The following PCED1B variants were observed in gnomAD, a reference collection of about 807,000 sequenced individuals.
PCED1B encodes PC-esterase domain containing 1B.
For missense variants in PCED1B, 573 were observed against 573.9 expected (o/e 1.00, Z 0.02); for synonymous variants, 251 against 246.1 (o/e 1.02, Z -0.19).
intron 2 of PCED1B, among the ~76,000 whole-genome samples, chr12:47,182,446 C>T (rs1942123894): frequency 6.6e-6 from 1 of 151,932 alleles, no homozygotes; most frequent in South Asian, 2.1e-4. Context: ...CAAAAATTAG[C>T]TGGGCGTGGT....
At chr12:47,158,255 A>C (rs1941257894) in intron 2 of PCED1B, among the ~76,000 whole-genome samples, 1 of 152,248 alleles carries the variant, frequency 6.6e-6, no homozygotes, top group Non-Finnish European at 1.5e-5. Flanking sequence ...CATTTCCACC[A>C]ACAATGCACA....
intron 2 of PCED1B, among the ~76,000 whole-genome samples, chr12:47,181,735 T>C (rs1942102213): frequency 6.6e-6 from 1 of 152,008 alleles, no homozygotes; most frequent in Non-Finnish European, 1.5e-5. Flanking sequence ...ATTCAGAACA[T>C]TTTTCTTCTC....
intron 2 of PCED1B, among the ~76,000 whole-genome samples, chr12:47,193,617 C>T (rs1407298244): frequency 6.6e-6 from 1 of 152,170 alleles, no homozygotes; most frequent in African/African-American, 2.4e-5. Flanking sequence ...CCCTCAGAGA[C>T]AAAGATATAC....
rs545432252 is a variant in PCED1B at position 47,236,630 on chromosome 12, A to C, written c.*268A>C. On this transcript the variant is annotated 3_prime_UTR_variant, in exon 4 of 4. Transcript: ENST00000546455. ...CCTATTCTCTTTGCCTTTGTGTAAA[A>C]ATAAAATGGAAATAAACAAGTTGCA... 2.7e-6 allele frequency: 1 copy of C among 376,542 alleles called. No homozygotes were observed. The highest frequency in any genetic ancestry group is 4.3e-5 in the East Asian group (1 of 23,012). 23.3% of individuals were successfully genotyped at this position (376,542 alleles called of 1,614,324 possible).
At chr12:47,199,596 G>A (rs1208251797) in intron 2 of PCED1B, among the ~76,000 whole-genome samples, 1 of 152,112 alleles carries the variant, frequency 6.6e-6, no homozygotes, top group Non-Finnish European at 1.5e-5. Flanking sequence ...TGACAAAGGA[G>A]CAAAGGCAAT....
chr12:47,201,982 C>A (rs182146237), intron 2 of PCED1B, among the ~76,000 whole-genome samples: 171 of 152,310 alleles, frequency 1.1e-3, no homozygotes, highest in African/African-American at 4.0e-3. Context: ...CCACTAAGCT[C>A]TGCCCAATTA....
intron 2 of PCED1B, among the ~76,000 whole-genome samples, chr12:47,150,105 TTTTA>T (rs1193444175): frequency 2.0e-5 from 3 of 152,220 alleles, no homozygotes; most frequent in African/African-American, 4.8e-5. Context: ...TGTGTACTAT[TTTTA>T]TTTGTCAATC....
At chr12:47,137,324 A>T (rs1003630767) in intron 2 of PCED1B, among the ~76,000 whole-genome samples, 1 of 152,232 alleles carries the variant, frequency 6.6e-6, no homozygotes, top group Non-Finnish European at 1.5e-5. Context: ...TCAAATATAG[A>T]TGTGATTAGA....
intron 2 of PCED1B, among the ~76,000 whole-genome samples, chr12:47,122,013 C>A (rs371502771): frequency 5.3e-5 from 7 of 131,882 alleles, no homozygotes; most frequent in African/African-American, 2.1e-4. Context: ...GGTGACAGAG[C>A]GAGACTCCAT....
intron 2 of PCED1B, among the ~76,000 whole-genome samples, chr12:47,142,283 A>G (rs547038363): frequency 1.3e-5 from 2 of 152,174 alleles, no homozygotes; most frequent in Non-Finnish European, 2.9e-5. Flanking sequence ...ACTCAACTGC[A>G]ATCCTGGTGG....
chr12:47,092,217 A>G (rs547658561), intron 1 of PCED1B, among the ~76,000 whole-genome samples: 2 of 152,088 alleles, frequency 1.3e-5, no homozygotes, highest in Admixed American at 6.5e-5. Flanking sequence ...ATTTTTCTCA[A>G]TAATATTTTA....
At chr12:47,170,868 G>A (rs1941706767) in intron 2 of PCED1B, among the ~76,000 whole-genome samples, 1 of 150,488 alleles carries the variant, frequency 6.6e-6, no homozygotes, top group South Asian at 2.1e-4. Flanking sequence ...CTTCATTTTT[G>A]CTGATTTGTT....
intron 2 of PCED1B, among the ~76,000 whole-genome samples, chr12:47,134,328 TTTC>T (rs1442349402): frequency 6.6e-6 from 1 of 152,224 alleles, no homozygotes; most frequent in Non-Finnish European, 1.5e-5. Context: ...AACTTTTTCC[TTTC>T]TTCTTTTCTT....
intron 1 of PCED1B, among the ~76,000 whole-genome samples, chr12:47,081,530 A>G (rs1252791920): frequency 2.6e-5 from 4 of 152,236 alleles, no homozygotes; most frequent in South Asian, 4.1e-4. Flanking sequence ...GAATTTTATC[A>G]TAAGAACACA....
At chr12:47,085,553 GAT>G (rs745561328) in intron 1 of PCED1B, among the ~76,000 whole-genome samples, 1 of 152,176 alleles carries the variant, frequency 6.6e-6, no homozygotes, top group South Asian at 2.1e-4. Context: ...CATCTGGTAT[GAT>G]ATACATTCTT....
intron 2 of PCED1B, among the ~76,000 whole-genome samples, chr12:47,178,046 G>GAGCTGGAAGAATAGA (rs1555146478): frequency 4.8e-4 from 73 of 152,334 alleles, no homozygotes; most frequent in African/African-American, 1.7e-3. Context: ...GTAAAGGCCA[G>GAGCTGGAAGAATAGA]AAGCTGGAAG....
At chr12:47,092,365 T>C (rs1417309661) in intron 1 of PCED1B, among the ~76,000 whole-genome samples, 1 of 152,098 alleles carries the variant, frequency 6.6e-6, no homozygotes, top group Non-Finnish European at 1.5e-5. Flanking sequence ...TTTTATATGT[T>C]GACTGTATAT....
chr12:47,089,797 A>G (rs970187335), intron 1 of PCED1B, among the ~76,000 whole-genome samples: 3 of 150,616 alleles, frequency 2.0e-5, no homozygotes, highest in Admixed American at 2.0e-4. Context: ...TTTTTGAGAC[A>G]GAGCCTTGCT....
At chr12:47,220,068 C>CAAA (rs763940625) in intron 3 of PCED1B, among the ~76,000 whole-genome samples, 135 of 103,480 alleles carry the variant, frequency 1.3e-3, no homozygotes, top group Non-Finnish European at 1.9e-3. Flanking sequence ...GACACTGCCT[C>CAAA]AAAAAAAAAA....
Sources: gnomAD v4.1 joint callset for allele counts (sites outside exome capture counted in the v4.1 genomes callset) on GRCh38, gnomAD v4.1.1 for gene constraint, MANE v1.5 for transcripts, NCBI Gene and HGNC (gene_info 2026-07-23, HGNC 2026-07-21) for gene names.